DIAPH3: variants seen among roughly 807,000 people sequenced by gnomAD.
DIAPH3 encodes diaphanous related formin 3, also known as protein diaphanous homolog 3.
In DIAPH3, 117 loss-of-function variants were observed where a neutral mutation model predicts 144.3. The ratio of observed to expected loss-of-function variants is 0.81; its 90% CI spans 0.70 to 0.95. The LOEUF (loss-of-function observed/expected upper bound fraction) is 0.95. Among genes scored for constraint, DIAPH3 ranks in the 40% least tolerant of loss-of-function variants. The probability of loss-of-function intolerance (pLI) is 0.00; values close to 1 mark genes in which losing one functional copy is unlikely to be tolerated. For missense variants in DIAPH3, 1,421 were observed against 1,412.7 expected (o/e 1.01, Z -0.09); for synonymous variants, 519 against 488.9 (o/e 1.06, Z -0.81).
chr13:59,716,789 G>T (rs1161800364), intron 27 of DIAPH3, among the ~76,000 whole-genome samples: 1 of 152,046 alleles, frequency 6.6e-6, no homozygotes, highest in East Asian at 1.9e-4. Context: ...TAATGGGTGG[G>T]TCTGACACAA....
chr13:59,905,205 T>C (rs2140200706), intron 20 of DIAPH3, among the ~76,000 whole-genome samples: 1 of 150,920 alleles, frequency 6.6e-6, no homozygotes, highest in African/African-American at 2.4e-5. Flanking sequence ...TAGCCGGGCG[T>C]GGTGGCGGGC....
At chr13:60,087,185 T>G (rs1367429989) in intron 4 of DIAPH3, among the ~76,000 whole-genome samples, 1 of 152,232 alleles carries the variant, frequency 6.6e-6, no homozygotes. Context: ...CTACGGTTAG[T>G]TGAATTCATG....
intron 25 of DIAPH3, among the ~76,000 whole-genome samples, chr13:59,796,292 C>A (rs555578603): frequency 1.3e-5 from 2 of 152,270 alleles, no homozygotes; most frequent in African/African-American, 2.4e-5. Context: ...GGCCACTCTA[C>A]CTTTTATGAC....
intron 27 of DIAPH3, among the ~76,000 whole-genome samples, chr13:59,769,749 C>G (rs2038028124): frequency 6.6e-6 from 1 of 151,926 alleles, no homozygotes; most frequent in African/African-American, 2.4e-5. Context: ...GGTGTCAGAC[C>G]CGCAATATAC....
chr13:60,113,637 G>C (rs1012614077), intron 2 of DIAPH3, among the ~76,000 whole-genome samples: 2 of 152,138 alleles, frequency 1.3e-5, no homozygotes, highest in East Asian at 3.9e-4. Context: ...AACGTATAAA[G>C]TTATACTTGC....
chr13:60,148,804 C>T (rs1273124994), intron 1 of DIAPH3, among the ~76,000 whole-genome samples: 1 of 152,128 alleles, frequency 6.6e-6, no homozygotes, highest in African/African-American at 2.4e-5. Context: ...AAAAAAAGCC[C>T]AAGTTAACTC....
chr13:60,063,263 A>T (rs1242330113), intron 4 of DIAPH3, among the ~76,000 whole-genome samples: 1 of 152,194 alleles, frequency 6.6e-6, no homozygotes. Context: ...GTTGAGCTTT[A>T]TCATAACATT....
intron 25 of DIAPH3, among the ~76,000 whole-genome samples, chr13:59,789,142 G>A (rs1313417065): frequency 6.6e-6 from 1 of 152,088 alleles, no homozygotes; most frequent in East Asian, 1.9e-4. Context: ...CGGGTGGGGG[G>A]GAATGTATCT....
intron 19 of DIAPH3, among the ~76,000 whole-genome samples, chr13:59,912,603 C>T (rs951046483): frequency 3.3e-5 from 5 of 152,088 alleles, no homozygotes; most frequent in Non-Finnish European, 7.4e-5. Flanking sequence ...CTATATCGAT[C>T]CTCTGTATCA....
chr13:59,821,079 GCAATA>G (rs1243481606), intron 24 of DIAPH3, among the ~76,000 whole-genome samples: 2 of 151,910 alleles, frequency 1.3e-5, no homozygotes, highest in Non-Finnish European at 2.9e-5. Flanking sequence ...GGATACTCAA[GCAATA>G]CAAGTCAGGG....
chr13:59,924,658 A>G (rs556391058), intron 18 of DIAPH3, 117 bp downstream of exon 18: 4 of 1,437,806 alleles, frequency 2.8e-6, no homozygotes, highest in Non-Finnish European at 3.7e-6. Context: ...TGAATTTATC[A>G]TGCATATAAT....
chr13:60,099,907 A>AGAAGGAAG (rs748938775), intron 3 of DIAPH3, among the ~76,000 whole-genome samples: 4,596 of 104,634 alleles, frequency 0.044, 131 homozygotes, highest in East Asian at 0.063. Flanking sequence ...AGAAAGTAAG[A>AGAAGGAAG]GAAGGAAGGA....
intron 27 of DIAPH3, among the ~76,000 whole-genome samples, chr13:59,747,959 G>C (rs1758552204): frequency 6.6e-6 from 1 of 152,176 alleles, no homozygotes; most frequent in Non-Finnish European, 1.5e-5. Flanking sequence ...AGAATGCTAT[G>C]TCTTGGCCCA....
intron 20 of DIAPH3, among the ~76,000 whole-genome samples, chr13:59,899,537 G>A (rs1051181103): frequency 5.9e-5 from 9 of 152,182 alleles, no homozygotes; most frequent in Admixed American, 1.3e-4. Flanking sequence ...TATGATTAAA[G>A]TTGCCTTAGC....
intron 4 of DIAPH3, among the ~76,000 whole-genome samples, chr13:60,063,691 C>T (rs1478810267): frequency 6.6e-6 from 1 of 152,156 alleles, no homozygotes; most frequent in Non-Finnish European, 1.5e-5. Flanking sequence ...CTTTGGGAGG[C>T]CGAGACAAGT....
At chr13:60,120,373 G>A (rs73534931) in intron 2 of DIAPH3, among the ~76,000 whole-genome samples, 235 of 152,250 alleles carry the variant, frequency 1.5e-3, no homozygotes, top group African/African-American at 5.2e-3. Flanking sequence ...CCTACCATCC[G>A]ATCAACTGCA....
intron 27 of DIAPH3, among the ~76,000 whole-genome samples, chr13:59,721,817 G>T (rs755958458): frequency 6.6e-6 from 1 of 152,114 alleles, no homozygotes; most frequent in African/African-American, 2.4e-5. Flanking sequence ...GGTAAAAGAG[G>T]GAAGGAATTC....
Position 59,802,886 on chromosome 13 carries a change from T to G in DIAPH3, c.3163+7902A>C, listed in dbSNP as rs188491792. Among the ~76,000 whole-genome samples the G allele has an allele frequency of 9.2e-3, 1,371 of 149,716 alleles. 19 individuals are homozygous for G. The highest frequency in any genetic ancestry group is 0.031 in the African/African-American group (1,254 of 40,764). On this transcript the variant is annotated intron_variant, in intron 25 of 27. Coordinates refer to ENST00000400324, the MANE Select transcript of DIAPH3 (RefSeq NM_001042517.2). ...TTTTTAGTAGAGACGGGGTTTCACC[T>G]TGTTAGCCAGGATGGTCTCGATCTC...
chr13:59,758,007 G>A (rs1415565452), intron 27 of DIAPH3, among the ~76,000 whole-genome samples: 1 of 152,006 alleles, frequency 6.6e-6, no homozygotes, highest in East Asian at 1.9e-4. Context: ...ACCCACAAAA[G>A]CAAATAAGCC....
Sources: gnomAD v4.1 joint callset for allele counts (sites outside exome capture counted in the v4.1 genomes callset) on GRCh38, gnomAD v4.1.1 for gene constraint, MANE v1.5 for transcripts, NCBI Gene and HGNC (gene_info 2026-07-23, HGNC 2026-07-21) for gene names.